The following DCLK2 variants were observed in gnomAD, a reference collection of about 807,000 sequenced individuals.
DCLK2 encodes the protein serine/threonine-protein kinase DCLK2.
A neutral mutation model predicts 78.4 loss-of-function variants in DCLK2; 31 were observed. The ratio of observed to expected loss-of-function variants is 0.40; its 90% confidence interval spans 0.30 to 0.53. The LOEUF is 0.53. Among genes scored for constraint, DCLK2 ranks in the 20% least tolerant of loss-of-function variants. The pLI, the probability that DCLK2 is intolerant of heterozygous loss-of-function variation, is 0.61. For missense variants in DCLK2, 872 were observed against 973.7 expected, an observed-to-expected ratio of 0.90 and a Z score of 1.39; for synonymous variants, 407 against 374.9, an observed-to-expected ratio of 1.09 and a Z score of -0.99.
chr4:150,108,784 G>A lies in DCLK2; in HGVS notation c.756+5972G>A, dbSNP rs1731451769. ...AAAATTCTAGCTTTTAGCTTTCCCA[G>A]AAACAGCAGAGTTTCAACATAAAAG... On this transcript the variant is annotated intron_variant, in intron 2 of 15. Coordinates refer to ENST00000296550, the MANE Select transcript of DCLK2 (RefSeq NM_001040260.4). Among the ~76,000 whole-genome samples, 8 of 152,174 alleles carry A rather than the reference G, an allele frequency of 5.3e-5. No individual in the cohort carries two copies. In the South Asian group the frequency reaches 1.7e-3, roughly 32 times the overall value.
rs534721957 is a variant in DCLK2 at position 150,170,975 on chromosome 4, C to T, written c.757-22163C>T. 5.9e-5 allele frequency among the ~76,000 whole-genome samples: 9 copies of T among 152,284 alleles called. No individual in the cohort carries two copies. In the East Asian group the frequency reaches 1.5e-3, roughly 26 times the overall value. ...TGCCCAGTTTCAGAAATTGCACTTT[C>T]GCTTCTGCAGTGGCCAGATTCACAA... is the stretch of plus-strand genomic sequence containing the variant. On this transcript the variant is annotated intron_variant, in intron 2 of 15. Transcript: ENST00000296550.
chr4:150,138,176 T>G (rs1454771092), intron 2 of DCLK2, among the ~76,000 whole-genome samples: 1 of 152,222 alleles, frequency 6.6e-6, no homozygotes. Context: ...TAAATAGGAA[T>G]AGTTTTGCTA....
chr4:150,186,866 C>T (rs903508857), intron 2 of DCLK2, among the ~76,000 whole-genome samples: 6 of 150,878 alleles, frequency 4.0e-5, no homozygotes, highest in African/African-American at 1.5e-4. Context: ...GCACTCCAGC[C>T]TGGGCAACAG....
At chr4:150,082,043 A>T (rs1309036855) in intron 1 of DCLK2, among the ~76,000 whole-genome samples, 2 of 152,010 alleles carry the variant, frequency 1.3e-5, no homozygotes, top group East Asian at 3.9e-4. Flanking sequence ...AGAATCACGA[A>T]TGCTTACTGT....
At chr4:150,119,480 G>A (rs768318258) in intron 2 of DCLK2, among the ~76,000 whole-genome samples, 22 of 152,296 alleles carry the variant, frequency 1.4e-4, no homozygotes, top group Middle Eastern at 3.4e-3. Flanking sequence ...ATATGCCCCA[G>A]TATTTCTATA....
intron 5 of DCLK2, among the ~76,000 whole-genome samples, chr4:150,208,068 G>T (rs533052315): frequency 1.3e-5 from 2 of 152,238 alleles, no homozygotes; most frequent in East Asian, 3.9e-4. Context: ...GGCAGGCTGG[G>T]GTGATCTGAC....
intron 9 of DCLK2, 101 bp from the exon 10 acceptor site, chr4:150,232,581 G>C: frequency 6.6e-7 from 1 of 1,520,212 alleles, no homozygotes; most frequent in South Asian, 1.2e-5. Context: ...GATTTTAGTG[G>C]CACTTGTGTC....
intron 5 of DCLK2, among the ~76,000 whole-genome samples, chr4:150,215,798 A>G (rs1011249916): frequency 6.6e-6 from 1 of 152,210 alleles, no homozygotes; most frequent in Non-Finnish European, 1.5e-5. Flanking sequence ...TAGCCTCTTT[A>G]TAGAGCATTC....
At chr4:150,117,666 G>GC (rs1348868678) in intron 2 of DCLK2, among the ~76,000 whole-genome samples, 1 of 152,144 alleles carries the variant, frequency 6.6e-6, no homozygotes, top group African/African-American at 2.4e-5. Context: ...TGCATATAAA[G>GC]CCCGTCCTGA....
At chr4:150,162,927 C>A (rs1189493634) in intron 2 of DCLK2, among the ~76,000 whole-genome samples, 1 of 152,194 alleles carries the variant, frequency 6.6e-6, no homozygotes, top group Non-Finnish European at 1.5e-5. Flanking sequence ...TGCCTCCTGG[C>A]CTTATCATTT....
chr4:150,220,819 T>C (rs1741132162), intron 6 of DCLK2, 41 bp downstream of exon 6: 2 of 1,494,724 alleles, frequency 1.3e-6, no homozygotes, highest in Non-Finnish European at 1.9e-6. Flanking sequence ...AAGGAAATCA[T>C]GCATGGGGAC....
At chr4:150,164,534 C>T (rs1735928615) in intron 2 of DCLK2, among the ~76,000 whole-genome samples, 1 of 152,316 alleles carries the variant, frequency 6.6e-6, no homozygotes, top group East Asian at 1.9e-4. Flanking sequence ...TGTGGTGGCT[C>T]ACACCTGTAA....
At chr4:150,242,605 C>G (rs1376923043) in intron 12 of DCLK2, among the ~76,000 whole-genome samples, 3 of 152,144 alleles carry the variant, frequency 2.0e-5, no homozygotes, top group Non-Finnish European at 4.4e-5. Context: ...TCAGTGTCCA[C>G]TGGGACAAGA....
intron 8 of DCLK2, among the ~76,000 whole-genome samples, chr4:150,229,773 A>G (rs1741900530): frequency 6.6e-6 from 1 of 152,186 alleles, no homozygotes; most frequent in Non-Finnish European, 1.5e-5. Flanking sequence ...ATTCATATGT[A>G]AATTATTTGG....
At chr4:150,228,635 G>C (rs888071517) in intron 8 of DCLK2, among the ~76,000 whole-genome samples, 36 of 152,240 alleles carry the variant, frequency 2.4e-4, no homozygotes, top group Non-Finnish European at 5.0e-4. Flanking sequence ...CCAGCTGTGA[G>C]TGAGCAGGGG....
intron 2 of DCLK2, among the ~76,000 whole-genome samples, chr4:150,181,871 G>A (rs983249243): frequency 5.3e-5 from 8 of 152,050 alleles, no homozygotes; most frequent in Non-Finnish European, 1.2e-4. Context: ...GAACAAAGAG[G>A]GCTATTTATG....
chr4:150,210,647 A>T (rs1740226392), intron 5 of DCLK2, among the ~76,000 whole-genome samples: 1 of 151,932 alleles, frequency 6.6e-6, no homozygotes, highest in Non-Finnish European at 1.5e-5. Flanking sequence ...TCCAGGAAAA[A>T]AAGAAAAAAG....
intron 1 of DCLK2, among the ~76,000 whole-genome samples, chr4:150,099,652 A>G (rs1207827458): frequency 1.3e-5 from 2 of 152,210 alleles, no homozygotes; most frequent in African/African-American, 4.8e-5. Context: ...CAAGATTACT[A>G]AAGTGGGTTT....
intron 12 of DCLK2, among the ~76,000 whole-genome samples, chr4:150,243,850 C>T (rs953204165): frequency 1.4e-5 from 2 of 142,462 alleles, no homozygotes; most frequent in African/African-American, 5.2e-5. Flanking sequence ...TACAAGCACA[C>T]ACCACCATGC....
Sources: gnomAD v4.1 joint callset for allele counts (sites outside exome capture counted in the v4.1 genomes callset) on GRCh38, gnomAD v4.1.1 for gene constraint, MANE v1.5 for transcripts, NCBI Gene and HGNC (gene_info 2026-07-23, HGNC 2026-07-21) for gene names.